The following AGBL1 variants were observed in gnomAD, a reference collection of about 807,000 sequenced individuals.
AGBL1 encodes AGBL carboxypeptidase 1.
A neutral mutation model predicts 118.9 loss-of-function variants in AGBL1; 130 were observed. The observed-to-expected ratio is 1.09, with a 90% CI of 0.95 to 1.26. The LOEUF is 1.26. Ranked by LOEUF, AGBL1 falls within the 50% of genes most tolerant of loss-of-function variation. The pLI is 0.00. For synonymous variants in AGBL1, 555 were observed against 478.9 expected (o/e 1.16, Z -2.08); for missense variants, 1,584 against 1,298.1 (o/e 1.22, Z -3.38).
At chr15:86,473,060 GATTA>G in intron 18 of AGBL1, among the ~76,000 whole-genome samples, 1 of 152,038 alleles carries the variant, frequency 6.6e-6, no homozygotes, top group Non-Finnish European at 1.5e-5. Flanking sequence ...TTTAACATTA[GATTA>G]AATGAAATGT....
intron 17 of AGBL1, among the ~76,000 whole-genome samples, chr15:86,357,096 C>T (rs2080733426): frequency 6.6e-6 from 1 of 152,106 alleles, no homozygotes; most frequent in African/African-American, 2.4e-5. Context: ...TTAACGTGGA[C>T]TAAGTAACTC....
At chr15:86,103,020 T>A (rs1276837038) in intron 1 of AGBL1, among the ~76,000 whole-genome samples, 1 of 152,212 alleles carries the variant, frequency 6.6e-6, no homozygotes, top group Non-Finnish European at 1.5e-5. Context: ...TCTTCATTTT[T>A]ATCTTTGGGT....
At chr15:86,961,904 CAGT>C (rs968739785) in intron 23 of AGBL1, among the ~76,000 whole-genome samples, 13 of 152,012 alleles carry the variant, frequency 8.6e-5, no homozygotes, top group Non-Finnish European at 1.8e-4. Context: ...GCAGTGAAGG[CAGT>C]AGAACAGCCA....
intron 16 of AGBL1, among the ~76,000 whole-genome samples, chr15:86,290,153 A>G (rs2079520785): frequency 6.6e-6 from 1 of 152,174 alleles, no homozygotes; most frequent in African/African-American, 2.4e-5. Context: ...TGATGACATC[A>G]AAATTTGATA....
chr15:86,160,675 A>T (rs2077255613), intron 5 of AGBL1, among the ~76,000 whole-genome samples: 1 of 152,176 alleles, frequency 6.6e-6, no homozygotes. Flanking sequence ...TTCTAATCTG[A>T]TGCTGTCATA....
At chr15:86,851,017 G>T (rs560470159) in intron 22 of AGBL1, among the ~76,000 whole-genome samples, 1 of 152,254 alleles carries the variant, frequency 6.6e-6, no homozygotes, top group East Asian at 1.9e-4. Flanking sequence ...AATGCATTTG[G>T]AGAGGCTTTT....
chr15:86,249,036 T>C (rs2078766173), intron 7 of AGBL1, among the ~76,000 whole-genome samples: 1 of 152,126 alleles, frequency 6.6e-6, no homozygotes, highest in African/African-American at 2.4e-5. Flanking sequence ...GGAATATGCA[T>C]TCTAGGGATT....
At chr15:86,400,400 C>G (rs186750511) in intron 18 of AGBL1, among the ~76,000 whole-genome samples, 2 of 151,364 alleles carry the variant, frequency 1.3e-5, no homozygotes, top group African/African-American at 2.4e-5. Context: ...CACTGGTTTT[C>G]TCTGGGTATA....
chr15:86,528,354 C>G (rs28406215), intron 19 of AGBL1, among the ~76,000 whole-genome samples: 2 of 152,112 alleles, frequency 1.3e-5, no homozygotes, highest in Admixed American at 6.5e-5. Flanking sequence ...GACGGACGCA[C>G]CTGGAAAATC....
At chr15:86,707,747 C>A (rs1475816875) in intron 22 of AGBL1, among the ~76,000 whole-genome samples, 2 of 152,056 alleles carry the variant, frequency 1.3e-5, no homozygotes, top group East Asian at 3.8e-4. Context: ...ATGACAAAAA[C>A]TGTTTCTGAA....
intron 5 of AGBL1, among the ~76,000 whole-genome samples, chr15:86,203,131 T>C (rs2077934488): frequency 6.6e-6 from 1 of 152,066 alleles, no homozygotes; most frequent in African/African-American, 2.4e-5. Context: ...ATGATGATGA[T>C]GATGCTAATC....
intron 17 of AGBL1, among the ~76,000 whole-genome samples, chr15:86,391,453 C>T (rs1393494144): frequency 2.0e-5 from 3 of 151,558 alleles, no homozygotes; most frequent in Non-Finnish European, 4.4e-5. Context: ...CCTTCCTCTC[C>T]TGTTTTCCTT....
chr15:86,392,602 A>G (rs2081304707), intron 17 of AGBL1, among the ~76,000 whole-genome samples: 1 of 152,212 alleles, frequency 6.6e-6, no homozygotes, highest in Non-Finnish European at 1.5e-5. Flanking sequence ...GGATGTTTAT[A>G]TAGTTGGGTA....
intron 22 of AGBL1, among the ~76,000 whole-genome samples, chr15:86,787,186 A>C (rs1367315149): frequency 6.6e-6 from 1 of 152,166 alleles, no homozygotes; most frequent in Non-Finnish European, 1.5e-5. Flanking sequence ...ACTACAGTCA[A>C]GCAAACTAAC....
chr15:86,250,294 G>A (rs963912841), intron 7 of AGBL1, among the ~76,000 whole-genome samples: 4 of 151,892 alleles, frequency 2.6e-5, no homozygotes, highest in Non-Finnish European at 4.4e-5. Context: ...GGTGGCTGAG[G>A]CAGGCGGATC....
intron 5 of AGBL1, among the ~76,000 whole-genome samples, chr15:86,186,689 C>G (rs111233108): frequency 1.8e-4 from 27 of 152,200 alleles, no homozygotes; most frequent in African/African-American, 6.0e-4. Context: ...GGTATCATTA[C>G]TTTCAAGAAT....
rs138980340 is a variant in AGBL1, at chr15:86,696,502, A to C, written c.3158+22066A>C. 2.0e-5 allele frequency among the ~76,000 whole-genome samples: 3 copies of C among 151,856 alleles called. No homozygotes were observed. The East Asian group carries it at 5.8e-4, about 29-fold the overall frequency. Reference sequence around the variant, plus strand: ...TGTGTCAAGTGAGTCTCTCGGAGGCAGCAGATAGATAGATACTTGGCCGGT... The same window carrying C: ...TGTGTCAAGTGAGTCTCTCGGAGGCCGCAGATAGATAGATACTTGGCCGGT... On this transcript the variant is annotated intron_variant, in intron 22 of 22. Coordinates refer to ENST00000614907, the MANE Select transcript of AGBL1 (RefSeq NM_001386094.1).
At chr15:86,872,608 T>C (rs1197597215) in intron 22 of AGBL1, among the ~76,000 whole-genome samples, 1 of 151,914 alleles carries the variant, frequency 6.6e-6, no homozygotes, top group African/African-American at 2.4e-5. Context: ...AGAAAAAAAT[T>C]AGCTGGGTAT....
chr15:86,682,365 T>G (rs1455894890), intron 22 of AGBL1, among the ~76,000 whole-genome samples: 1 of 152,220 alleles, frequency 6.6e-6, no homozygotes, highest in Non-Finnish European at 1.5e-5. Flanking sequence ...CATTAGCTGT[T>G]AAAAGCAAAA....
Sources: allele counts gnomAD v4.1 joint callset (sites outside exome capture counted in the v4.1 genomes callset), GRCh38; gene constraint gnomAD v4.1.1; transcripts MANE v1.5; gene names NCBI Gene and HGNC (gene_info 2026-07-23, HGNC 2026-07-21).